WWOX: variants seen among roughly 807,000 people sequenced by gnomAD.
WWOX encodes the protein WW domain-containing oxidoreductase.
A neutral mutation model predicts 46.2 loss-of-function variants in WWOX; 69 were observed. The ratio of observed to expected loss-of-function variants is 1.49; its 90% CI spans 1.23 to 1.82. The LOEUF is 1.82. Among genes scored for constraint, WWOX ranks in the 40% most tolerant of loss-of-function variants. The pLI, the probability that WWOX is intolerant of heterozygous loss-of-function variation, is 0.00. For synonymous variants in WWOX, 359 were observed against 202.6 expected (o/e 1.77, Z -6.56); for missense variants, 919 against 542.6 (o/e 1.69, Z -6.89).
chr16:78,781,297 A>AT (rs2050317595), intron 8 of WWOX, among the ~76,000 whole-genome samples: 2 of 152,090 alleles, frequency 1.3e-5, no homozygotes, highest in African/African-American at 2.4e-5. Flanking sequence ...CTGCACCTCA[A>AT]TTTCTAAAAA....
chr16:78,125,632 C>G (rs561426677), intron 4 of WWOX, among the ~76,000 whole-genome samples: 1 of 152,224 alleles, frequency 6.6e-6, no homozygotes, highest in Admixed American at 6.5e-5. Flanking sequence ...GAGGCTGAGG[C>G]AGGAGGATTG....
chr16:78,825,917 G>C (rs534181342), intron 8 of WWOX: 3 of 731,150 alleles, frequency 4.1e-6, no homozygotes, highest in Non-Finnish European at 7.1e-6. Context: ...GGAACCCAAA[G>C]ATGAGGTAGT....
chr16:78,258,721 A>AT (rs1193009470), intron 5 of WWOX, among the ~76,000 whole-genome samples: 8 of 151,464 alleles, frequency 5.3e-5, no homozygotes, highest in African/African-American at 1.9e-4. Context: ...AAAAAAAAAA[A>AT]AAAAAAAAAA....
chr16:79,170,820 G>C (rs907698265), intron 8 of WWOX, among the ~76,000 whole-genome samples: 1 of 152,136 alleles, frequency 6.6e-6, no homozygotes, highest in Non-Finnish European at 1.5e-5. Flanking sequence ...TTAAGCAGGA[G>C]ATGAGGTCTT....
intron 5 of WWOX, among the ~76,000 whole-genome samples, chr16:78,333,037 A>G (rs894990216): frequency 1.2e-5 from 1 of 84,924 alleles, no homozygotes; most frequent in African/African-American, 3.8e-5. Context: ...ATGGAAGAGC[A>G]TTATACTTTT....
intron 5 of WWOX, among the ~76,000 whole-genome samples, chr16:78,235,519 A>G (rs112119983): frequency 5.1e-4 from 77 of 152,294 alleles, no homozygotes; most frequent in African/African-American, 1.6e-3. Flanking sequence ...CTGGAGTGCA[A>G]CAGAGGCCCC....
intron 6 of WWOX, among the ~76,000 whole-genome samples, chr16:78,401,941 G>C (rs1213928159): frequency 6.6e-6 from 1 of 152,010 alleles, no homozygotes; most frequent in African/African-American, 2.4e-5. Context: ...CTCTAGATCC[G>C]CCTGCCTCTG....
At chr16:78,744,223 G>T (rs1462015660) in intron 8 of WWOX, among the ~76,000 whole-genome samples, 1 of 152,102 alleles carries the variant, frequency 6.6e-6, no homozygotes, top group East Asian at 1.9e-4. Context: ...TTTGTGAAAA[G>T]ACAGGGCTTA....
chr16:79,031,340 A>C lies in WWOX; in HGVS notation c.1057-180268A>C, dbSNP rs937492882. Among the ~76,000 whole-genome samples, 17 of 152,162 alleles carry C rather than the reference A, an allele frequency of 1.1e-4. No individual in the cohort carries two copies. In the East Asian group the frequency reaches 2.5e-3, roughly 23 times the overall value. On this transcript the variant is annotated intron_variant, in intron 8 of 8. Transcript: ENST00000566780. ...GATCACTGTCCCATCCTGGCACTGC[A>C]GTCCTGGGACAGTCTACACAGCTCC... is the stretch of plus-strand genomic sequence containing the variant.
chr16:79,108,700 G>C (rs1158377467), intron 8 of WWOX, among the ~76,000 whole-genome samples: 1 of 152,130 alleles, frequency 6.6e-6, no homozygotes, highest in Non-Finnish European at 1.5e-5. Context: ...CCAGGAGTTT[G>C]AGACCAGCCC....
chr16:79,199,621 C>T (rs761555556), intron 8 of WWOX, among the ~76,000 whole-genome samples: 3 of 152,138 alleles, frequency 2.0e-5, no homozygotes, highest in Non-Finnish European at 2.9e-5. Flanking sequence ...TAAAATTCTC[C>T]ACCTTGCCAC....
At chr16:78,460,938 T>G (rs543009038) in intron 8 of WWOX, among the ~76,000 whole-genome samples, 1 of 152,262 alleles carries the variant, frequency 6.6e-6, no homozygotes, top group Admixed American at 6.5e-5. Flanking sequence ...ATATCAGTAG[T>G]GACAGGGGTA....
At chr16:79,115,270 A>C (rs896776429) in intron 8 of WWOX, among the ~76,000 whole-genome samples, 1 of 152,256 alleles carries the variant, frequency 6.6e-6, no homozygotes, top group African/African-American at 2.4e-5. Flanking sequence ...ATAGGGATGC[A>C]TGTAGCCTGT....
intron 8 of WWOX, among the ~76,000 whole-genome samples, chr16:78,866,241 C>T (rs928435314): frequency 2.6e-5 from 4 of 151,914 alleles, no homozygotes; most frequent in Non-Finnish European, 4.4e-5. Flanking sequence ...AATCAGAGCC[C>T]GCAGTTTCAT....
chr16:79,057,765 A>T (rs901208149), intron 8 of WWOX, among the ~76,000 whole-genome samples: 2 of 152,220 alleles, frequency 1.3e-5, no homozygotes, highest in African/African-American at 4.8e-5. Flanking sequence ...AAGAATTTAG[A>T]AAGACCCGGA....
At chr16:78,458,478 C>G (rs1017778219) in intron 8 of WWOX, among the ~76,000 whole-genome samples, 1 of 151,976 alleles carries the variant, frequency 6.6e-6, no homozygotes, top group African/African-American at 2.4e-5. Context: ...CCAGGCTGGT[C>G]TGGAACTCCT....
At chr16:78,428,572 G>C (rs1166906371) in intron 7 of WWOX, among the ~76,000 whole-genome samples, 1 of 152,174 alleles carries the variant, frequency 6.6e-6, no homozygotes, top group Non-Finnish European at 1.5e-5. Context: ...GTCATCATGG[G>C]ATTCTTTTGA....
intron 8 of WWOX, among the ~76,000 whole-genome samples, chr16:78,498,808 T>A (rs1176058801): frequency 6.6e-6 from 1 of 152,196 alleles, no homozygotes; most frequent in Non-Finnish European, 1.5e-5. Flanking sequence ...TCAAGTAGTC[T>A]TCCTGCCTTG....
intron 8 of WWOX, among the ~76,000 whole-genome samples, chr16:78,557,917 G>A (rs527237717): frequency 2.4e-4 from 36 of 152,058 alleles, no homozygotes; most frequent in African/African-American, 6.8e-4. Context: ...GGCTGCTCTC[G>A]AACTCCTGAC....
Sources: gnomAD v4.1 joint callset for allele counts (sites outside exome capture counted in the v4.1 genomes callset) on GRCh38, gnomAD v4.1.1 for gene constraint, MANE v1.5 for transcripts, NCBI Gene and HGNC (gene_info 2026-07-23, HGNC 2026-07-21) for gene names.